Variants in EPHA5 observed in about 807,000 individuals in gnomAD.
EPHA5 encodes the protein ephrin type-A receptor 5.
Under a neutral mutation model 105.0 loss-of-function variants are expected in EPHA5, and 60 were observed. The ratio of observed to expected loss-of-function variants is 0.57; its 90% confidence interval spans 0.46 to 0.71. The LOEUF is 0.71. Among genes scored for constraint, EPHA5 ranks in the 30% least tolerant of loss-of-function variants. The probability of loss-of-function intolerance (pLI) is 0.00; values close to 1 mark genes in which losing one functional copy is unlikely to be tolerated. For missense variants in EPHA5, 1,218 were observed against 1,274.7 expected (o/e 0.96, Z 0.68); for synonymous variants, 513 against 449.1 (o/e 1.14, Z -1.80).
At chr4:65,456,034 A>AT (rs1334757742) in intron 5 of EPHA5, among the ~76,000 whole-genome samples, 2 of 152,154 alleles carry the variant, frequency 1.3e-5, no homozygotes, top group African/African-American at 4.8e-5. Context: ...CAAGTACATT[A>AT]TTTTTTCTAC....
intron 8 of EPHA5, among the ~76,000 whole-genome samples, chr4:65,397,229 A>T (rs902788718): frequency 6.6e-6 from 1 of 152,142 alleles, no homozygotes; most frequent in African/African-American, 2.4e-5. Context: ...AGTCAAAGGG[A>T]GAAAGGTGGA....
chr4:65,583,205 A>C (rs1242014288), intron 3 of EPHA5, among the ~76,000 whole-genome samples: 1 of 151,676 alleles, frequency 6.6e-6, no homozygotes, highest in Non-Finnish European at 1.5e-5. Flanking sequence ...GAGGAAATTA[A>C]TAATATAGAA....
Position 65,366,001 on chromosome 4 carries a change from G to T in EPHA5, c.1918C>A (p.Gln640Lys), listed in dbSNP as rs762252936. Reference protein sequence around the residue: ...IDPHTYEDPNQAVHEFAKEIE... With the variant: ...IDPHTYEDPNKAVHEFAKEIE... ...TCCTTAGCAAATTCGTGGACAGCTTGATTGGGATCCTCATAGGTATGTGGA... is the reference window on the plus strand; with the variant it reads ...TCCTTAGCAAATTCGTGGACAGCTTTATTGGGATCCTCATAGGTATGTGGA... Residue 640 changes from glutamine to lysine, a missense_variant, in exon 10 of 17, where the codon CAA becomes AAA. Gln to Lys is a moderately conservative substitution (Grantham distance 53, BLOSUM62 1). This residue lies in a region of EPHA5 where 971 missense variants were observed against 1,013.5 expected (regional missense o/e 0.96). Transcript: ENST00000613740. The T allele has an allele frequency of 1.9e-6, 3 of 1,609,108 alleles. No individual in the cohort carries two copies. The South Asian group carries it at 3.3e-5, about 18-fold the overall frequency.
intron 8 of EPHA5, among the ~76,000 whole-genome samples, chr4:65,390,301 AACTAGAG>A (rs1352391934): frequency 6.6e-6 from 1 of 151,966 alleles, no homozygotes; most frequent in Non-Finnish European, 1.5e-5. Flanking sequence ...GGTTCCAGGC[AACTAGAG>A]ACCTCTTCTA....
intron 3 of EPHA5, among the ~76,000 whole-genome samples, chr4:65,592,891 G>T (rs577063056): frequency 6.6e-6 from 1 of 152,238 alleles, no homozygotes; most frequent in East Asian, 1.9e-4. Flanking sequence ...AGAAGAATTA[G>T]ACAAAATTTG....
chr4:65,593,184 GTAT>G (rs1046021516), intron 3 of EPHA5, among the ~76,000 whole-genome samples: 14 of 152,034 alleles, frequency 9.2e-5, no homozygotes, highest in Non-Finnish European at 1.6e-4. Context: ...TCAGAAAGAA[GTAT>G]TATTAGTTCT....
At chr4:65,355,416 T>C (rs1723204349) in intron 11 of EPHA5, among the ~76,000 whole-genome samples, 1 of 151,666 alleles carries the variant, frequency 6.6e-6, no homozygotes, top group African/African-American at 2.4e-5. Context: ...AAAAAATGCT[T>C]GCAACTTAAA....
chr4:65,566,657 A>G (rs577851682), intron 3 of EPHA5, among the ~76,000 whole-genome samples: 1 of 151,904 alleles, frequency 6.6e-6, no homozygotes, highest in Admixed American at 6.6e-5. Flanking sequence ...TTAAGCTCTA[A>G]GGTGGTTAGA....
intron 11 of EPHA5, among the ~76,000 whole-genome samples, chr4:65,354,134 G>T (rs549276009): frequency 6.6e-6 from 1 of 151,810 alleles, no homozygotes; most frequent in Admixed American, 6.6e-5. Context: ...GGGTTGTTGC[G>T]AGTATCTGCT....
chr4:65,388,368 T>G (rs889292083), intron 8 of EPHA5, among the ~76,000 whole-genome samples: 1 of 151,934 alleles, frequency 6.6e-6, no homozygotes, highest in African/African-American at 2.4e-5. Flanking sequence ...GTATTTCTAC[T>G]GCTAGATCCC....
chr4:65,532,619 A>C (rs80249879), intron 3 of EPHA5, among the ~76,000 whole-genome samples: 2 of 71,778 alleles, frequency 2.8e-5, no homozygotes, highest in Non-Finnish European at 6.0e-5. Context: ...TTTTTTTTTT[A>C]CTTTCAACTC....
At chr4:65,428,063 G>A (rs890328150) in intron 5 of EPHA5, among the ~76,000 whole-genome samples, 5 of 151,860 alleles carry the variant, frequency 3.3e-5, no homozygotes, top group Non-Finnish European at 4.4e-5. Context: ...AATCATGTAC[G>A]TCTTCTGTAG....
intron 5 of EPHA5, 92 bp from the exon 6 acceptor site, chr4:65,420,657 C>T (rs561069650): frequency 6.0e-5 from 70 of 1,171,258 alleles, no homozygotes; most frequent in South Asian, 9.3e-5. Flanking sequence ...ATTTTGAGAA[C>T]GTAGCAATAT....
At chr4:65,505,074 T>G (rs1732872358) in intron 3 of EPHA5, among the ~76,000 whole-genome samples, 1 of 152,026 alleles carries the variant, frequency 6.6e-6, no homozygotes, top group African/African-American at 2.4e-5. Context: ...TTTTAAGTAT[T>G]TGGTTACATA....
chr4:65,375,786 T>TACACAC (rs72454890), intron 8 of EPHA5, among the ~76,000 whole-genome samples: 330 of 132,512 alleles, frequency 2.5e-3, no homozygotes, highest in African/African-American at 4.5e-3. Context: ...CACACACACA[T>TACACAC]ACACACACAC....
intron 2 of EPHA5, among the ~76,000 whole-genome samples, chr4:65,634,088 C>A (rs1164592393): frequency 6.6e-6 from 1 of 151,920 alleles, no homozygotes; most frequent in Non-Finnish European, 1.5e-5. Flanking sequence ...ATACTTAAAT[C>A]TAAAGGGTAG....
intron 2 of EPHA5, among the ~76,000 whole-genome samples, chr4:65,606,669 A>C (rs1308422525): frequency 6.6e-6 from 1 of 152,074 alleles, no homozygotes; most frequent in Non-Finnish European, 1.5e-5. Context: ...AACTAAGTTT[A>C]TTTTATTTGT....
chr4:65,399,812 A>G (rs1578018978), intron 8 of EPHA5, among the ~76,000 whole-genome samples: 1 of 152,026 alleles, frequency 6.6e-6, no homozygotes, highest in South Asian at 2.1e-4. Flanking sequence ...GTGATCAGAA[A>G]CATAGTATTA....
chr4:65,523,719 G>A (rs948014018), intron 3 of EPHA5, among the ~76,000 whole-genome samples: 4 of 151,942 alleles, frequency 2.6e-5, no homozygotes, highest in Non-Finnish European at 4.4e-5. Context: ...AATAGCTTTG[G>A]TGAGTTTTCA....
Sources: gnomAD v4.1 joint callset for allele counts (sites outside exome capture counted in the v4.1 genomes callset) on GRCh38, gnomAD v4.1.1 for gene constraint, gnomAD v4.1.1 regional missense constraint, MANE v1.5 for transcripts, NCBI Gene and HGNC (gene_info 2026-07-23, HGNC 2026-07-21) for gene names.